FAM217B: variants seen among roughly 807,000 people sequenced by gnomAD.
The protein encoded by FAM217B is protein FAM217B.
For synonymous variants in FAM217B, 163 were observed against 173.0 expected, an observed-to-expected ratio of 0.94 and a Z score of 0.45; for missense variants, 463 against 456.9, an observed-to-expected ratio of 1.01 and a Z score of -0.12.
upstream of FAM217B, chr20:59,939,536 CA>C: frequency 1.9e-6 from 3 of 1,611,964 alleles, no homozygotes; most frequent in East Asian, 2.2e-5. Flanking sequence ...CGAGCCGCGA[CA>C]GCACGTGCAG....
Position 59,948,384 on chromosome 20 carries a change from T to C in FAM217B, c.*3289T>C, listed in dbSNP as rs1157137703. On this transcript the variant is annotated 3_prime_UTR_variant, in exon 4 of 4. Coordinates refer to ENST00000360816, the MANE Select transcript of FAM217B (RefSeq NM_022106.3). ...GAAGGACATAAGACTTTCTACTTTATCTGATATGGATATCGTCTACTTCCT... is the reference window on the plus strand; with the variant it reads ...GAAGGACATAAGACTTTCTACTTTACCTGATATGGATATCGTCTACTTCCT... 6.0e-6 allele frequency: 1 copy of C among 167,086 alleles called. No individual in the cohort carries two copies. Among genetic ancestry groups the C allele is most frequent in the East Asian group, 1.9e-4 (1 of 5,204 alleles). 10.4% of individuals were successfully genotyped at this position (167,086 alleles called of 1,614,324 possible).
intron 1 of FAM217B, among the ~76,000 whole-genome samples, chr20:59,934,360 T>C (rs1569002178): frequency 6.6e-6 from 1 of 152,214 alleles, no homozygotes; most frequent in Non-Finnish European, 1.5e-5. Context: ...TCGCAGGCCC[T>C]TCTGAGACAG....
At position 59,935,030 on chromosome 20, in the gene FAM217B, C is replaced by T. The variant is rs564005764; in HGVS notation, c.-326+1177C>T. Reference sequence around the variant, plus strand: ...ATGCAATCTAAGGTACACAGGTGTACGCAGGGATTTGAGGGGATTTTATAT... The same window carrying T: ...ATGCAATCTAAGGTACACAGGTGTATGCAGGGATTTGAGGGGATTTTATAT... On this transcript the variant is annotated intron_variant, in intron 1 of 4. Coordinates refer to the FAM217B transcript ENST00000358293. 6.6e-5 allele frequency among the ~76,000 whole-genome samples: 10 copies of T among 152,282 alleles called. No homozygotes were observed. The East Asian group carries it at 9.6e-4, about 15-fold the overall frequency.
At chr20:59,935,459 CCTT>C (rs2060856434), upstream of FAM217B, among the ~76,000 whole-genome samples, 1 of 152,100 alleles carries the variant, frequency 6.6e-6, no homozygotes, top group South Asian at 2.1e-4. Context: ...TCATGAAAAA[CCTT>C]CTCAATTATA....
intron 3 of FAM217B, 23 bp from the exon 4 acceptor site, chr20:59,943,917 A>G (rs764493641): frequency 9.7e-6 from 15 of 1,547,172 alleles, no homozygotes; most frequent in Non-Finnish European, 1.3e-5. Context: ...TGTGGTAAGA[A>G]TTGCAGTTTT....
At chr20:59,937,437 C>T (rs142809122), upstream of FAM217B, 49 of 152,508 alleles carry the variant, frequency 3.2e-4, no homozygotes, top group African/African-American at 1.0e-3. Flanking sequence ...TAAAAGATAC[C>T]GAAGAAAGCT....
At position 59,943,996 on chromosome 20, in the gene FAM217B, G is replaced by C; in HGVS notation, c.53G>C (p.Gly18Ala). ...GTGCAACATTCAAAGAATTCTTCAG[G>C]AAAAAGGCAGAGTAAATCCCAAGTA... is the stretch of plus-strand genomic sequence containing the variant. ...NKVQHSKNSS[G>A]KRQSKSQVPH... The change falls in exon 4 of 4, where the codon GGA becomes GCA. Residue 18 changes from glycine to alanine, a missense_variant. Gly to Ala is a moderately conservative substitution (Grantham distance 60). Coordinates refer to ENST00000360816, the MANE Select transcript of FAM217B (RefSeq NM_022106.3). 6.2e-7 allele frequency: 1 copy of C among 1,612,756 alleles called. No individual in the cohort carries two copies.
At chr20:59,939,663 C>G (rs746941305), upstream of FAM217B, 7 of 1,481,502 alleles carry the variant, frequency 4.7e-6, 1 homozygote, top group Admixed American at 1.2e-4. Context: ...ACACGCAGCG[C>G]CCGGCGCGCC....
chr20:59,939,619 AGC>A (rs780417013), upstream of FAM217B: 3 of 1,590,138 alleles, frequency 1.9e-6, no homozygotes, highest in South Asian at 3.4e-5. Flanking sequence ...GCGTCGGCGA[AGC>A]GCACGCGGAG....
At chr20:59,937,577 T>C (rs900380816), upstream of FAM217B, 1 of 152,356 alleles carries the variant, frequency 6.6e-6, no homozygotes, top group Non-Finnish European at 1.5e-5. Context: ...TTAGAGTTAA[T>C]TTCTTGGTGA....
Position 59,947,663 on chromosome 20 carries a change from T to G in FAM217B, c.*2568T>G, listed in dbSNP as rs1031369472. 2 of 167,128 alleles carry G rather than the reference T, an allele frequency of 1.2e-5. No homozygotes were observed. The highest frequency in any genetic ancestry group is 4.8e-5 in the African/African-American group (2 of 41,468). The allele number at this position is 167,128 out of a possible 1,614,324, so 10.4% of individuals were successfully genotyped here. On this transcript the variant is annotated 3_prime_UTR_variant, in exon 4 of 4. Coordinates refer to ENST00000360816, the MANE Select transcript of FAM217B (RefSeq NM_022106.3). ...CAAAAGTGACTTTGCTTGTTTACTT[T>G]CTGCCTCAGATTGACTATTTTAACC...
upstream of FAM217B, chr20:59,940,294 A>G (rs182609820): frequency 5.4e-4 from 98 of 181,376 alleles, 1 homozygote; most frequent in Admixed American, 4.5e-3. Context: ...CCGCGGCGTT[A>G]CTTACAAGGC....
At chr20:59,939,728 G>A (rs1159620376), upstream of FAM217B, 1 of 1,258,010 alleles carries the variant, frequency 7.9e-7, no homozygotes. Context: ...CCCGCCGCAG[G>A]ATGATGGGCC....
At chr20:59,934,518 G>C (rs1040807141) in intron 1 of FAM217B, among the ~76,000 whole-genome samples, 1 of 152,164 alleles carries the variant, frequency 6.6e-6, no homozygotes, top group South Asian at 2.1e-4. Flanking sequence ...CTTTCTAACA[G>C]CTTCGTAATT....
chr20:59,939,030 G>T (rs771583006), upstream of FAM217B: 4 of 1,518,866 alleles, frequency 2.6e-6, no homozygotes, highest in Non-Finnish European at 3.5e-6. Context: ...TCCCCGCGCG[G>T]CTCAGATGAA....
intron 3 of FAM217B, 60 bp downstream of exon 3, chr20:59,942,572 G>T (rs1469001934): frequency 6.6e-6 from 1 of 152,152 alleles, no homozygotes; most frequent in Non-Finnish European, 1.5e-5. Flanking sequence ...CTGTTGTCCA[G>T]ATTGAATATG....
chr20:59,935,799 G>A (rs915709737), upstream of FAM217B, among the ~76,000 whole-genome samples: 7 of 152,136 alleles, frequency 4.6e-5, no homozygotes, highest in East Asian at 1.9e-4. Context: ...ATAATGTGGC[G>A]TTCAATTAAT....
At chr20:59,942,147 G>A (rs187899721) in intron 1 of FAM217B, 51 bp from the exon 2 acceptor site, 9 of 152,676 alleles carry the variant, frequency 5.9e-5, no homozygotes, top group Admixed American at 2.6e-4. Flanking sequence ...CGATACTGGT[G>A]GTAGGACCAT....
At chr20:59,939,433 C>T (rs557669925), upstream of FAM217B, 5 of 1,611,312 alleles carry the variant, frequency 3.1e-6, no homozygotes, top group African/African-American at 4.0e-5. Context: ...TCGCCAAAGT[C>T]GGCGGCCTCG....
Sources: allele counts gnomAD v4.1 joint callset (sites outside exome capture counted in the v4.1 genomes callset), GRCh38; gene constraint gnomAD v4.1.1; transcripts MANE v1.5; gene names NCBI Gene and HGNC (gene_info 2026-07-23, HGNC 2026-07-21).